The following PDE1C variants were observed in gnomAD, a reference collection of about 807,000 sequenced individuals.
PDE1C encodes phosphodiesterase 1C.
In PDE1C, 62 loss-of-function variants were observed where a neutral mutation model predicts 93.1. That is an observed-to-expected ratio of 0.67 (90% confidence interval 0.54 to 0.82). The LOEUF (loss-of-function observed/expected upper bound fraction) is 0.82. PDE1C is among the 40% of genes least tolerant of loss of function. The probability of loss-of-function intolerance (pLI) is 0.00; values close to 1 mark genes in which losing one functional copy is unlikely to be tolerated. For synonymous variants in PDE1C, 325 were observed against 310.1 expected (o/e 1.05, Z -0.50); for missense variants, 742 against 884.6 (o/e 0.84, Z 2.04).
chr7:31,875,793 C>CTA lies in PDE1C; in HGVS notation c.492+2175_492+2176dup, dbSNP rs71559206. Among the ~76,000 whole-genome samples, 345 of 42,948 alleles carry CTA rather than the reference C, an allele frequency of 8.0e-3. 7 individuals are homozygous for CTA. The highest frequency in any genetic ancestry group is 0.012 in the African/African-American group (170 of 13,862). 28.2% of individuals were successfully genotyped at this position (42,948 alleles called of 152,430 possible). ...AACACCTCAAGTTAGAAGCTTACAT[C>CTA]TATATATATATATATATATATATAT... On this transcript the variant is annotated intron_variant, in intron 5 of 17. Transcript: ENST00000396191.
chr7:31,943,927 G>T (rs1288074564), intron 2 of PDE1C, among the ~76,000 whole-genome samples: 1 of 152,120 alleles, frequency 6.6e-6, no homozygotes, highest in Non-Finnish European at 1.5e-5. Context: ...ATCTCATCAG[G>T]CAAAACCAAG....
chr7:32,299,949 C>T (rs2128901843), upstream of PDE1C, among the ~76,000 whole-genome samples: 1 of 152,280 alleles, frequency 6.6e-6, no homozygotes, highest in Admixed American at 6.5e-5. Context: ...TTAATTTAGC[C>T]TCATTTTTGT....
At chr7:32,056,119 A>C (rs1794042320) in intron 1 of PDE1C, among the ~76,000 whole-genome samples, 1 of 152,188 alleles carries the variant, frequency 6.6e-6, no homozygotes, top group African/African-American at 2.4e-5. Context: ...AGCTAGACCA[A>C]GCTGATGTAG....
intron 3 of PDE1C, among the ~76,000 whole-genome samples, chr7:32,077,422 T>C (rs1796415365): frequency 6.6e-6 from 1 of 152,210 alleles, no homozygotes; most frequent in Non-Finnish European, 1.5e-5. Context: ...AAAAAGCCTG[T>C]ATTATCTTGA....
At chr7:32,241,810 C>T (rs1412068287) in intron 1 of PDE1C, among the ~76,000 whole-genome samples, 1 of 152,050 alleles carries the variant, frequency 6.6e-6, no homozygotes, top group Non-Finnish European at 1.5e-5. Flanking sequence ...GCCTCAGCCA[C>T]CGCCTATCTG....
At chr7:31,909,766 A>G (rs904579067) in intron 2 of PDE1C, among the ~76,000 whole-genome samples, 2 of 152,170 alleles carry the variant, frequency 1.3e-5, no homozygotes, top group African/African-American at 4.8e-5. Flanking sequence ...CTTCAGGCAC[A>G]AAGGCTAAGT....
At chr7:32,311,081 A>T (rs1783026588) in intron 1 of PDE1C, among the ~76,000 whole-genome samples, 1 of 152,222 alleles carries the variant, frequency 6.6e-6, no homozygotes. Flanking sequence ...ATCACCACCG[A>T]TCCCACAGAA....
intron 1 of PDE1C, among the ~76,000 whole-genome samples, chr7:32,252,390 T>C (rs1809457791): frequency 6.6e-6 from 1 of 152,186 alleles, no homozygotes; most frequent in Non-Finnish European, 1.5e-5. Flanking sequence ...ATTAATTATT[T>C]GTTGATGATT....
chr7:32,376,998 T>C (rs1266683266), intron 1 of PDE1C, among the ~76,000 whole-genome samples: 1 of 152,000 alleles, frequency 6.6e-6, no homozygotes, highest in Non-Finnish European at 1.5e-5. Context: ...ACTTCCCCTT[T>C]CTAAAGATCC....
intron 2 of PDE1C, among the ~76,000 whole-genome samples, chr7:32,017,048 G>C (rs1034638388): frequency 6.6e-6 from 1 of 152,136 alleles, no homozygotes; most frequent in Non-Finnish European, 1.5e-5. Context: ...GAGGATAATA[G>C]CAGTACTTAT....
chr7:31,928,932 C>A (rs941630139), intron 2 of PDE1C, among the ~76,000 whole-genome samples: 1 of 152,116 alleles, frequency 6.6e-6, no homozygotes, highest in African/African-American at 2.4e-5. Flanking sequence ...TCACACACAA[C>A]AATATTAACC....
chr7:31,824,748 C>T, intron 13 of PDE1C, 119 bp downstream of exon 13: 1 of 1,309,602 alleles, frequency 7.6e-7, no homozygotes, highest in Non-Finnish European at 1.1e-6. Context: ...ACAAATTTTT[C>T]TGAGAAGGAG....
chr7:31,717,102 A>G, the PDE1C span, among the ~76,000 whole-genome samples: 1 of 152,252 alleles, frequency 6.6e-6, no homozygotes, highest in South Asian at 2.1e-4. Flanking sequence ...ATTGTAAGTT[A>G]TATGGCAAGA....
At chr7:31,832,000 A>G (rs1039225527) in intron 11 of PDE1C, among the ~76,000 whole-genome samples, 2 of 152,166 alleles carry the variant, frequency 1.3e-5, no homozygotes, top group African/African-American at 2.4e-5. Flanking sequence ...AGAGCACAGG[A>G]AAGACATTGA....
rs190062868 is a variant in PDE1C at position 31,831,292 on chromosome 7, G to A, written c.1204-2919C>T. Among the ~76,000 whole-genome samples, 210 of 152,218 alleles carry A rather than the reference G, an allele frequency of 1.4e-3. 1 individual carries two copies. Among genetic ancestry groups the A allele is most frequent in the African/African-American group, 4.9e-3 (203 of 41,532 alleles). Reference sequence around the variant, plus strand: ...CAGAAATTATCACCTCAAAAATAAGGAGAGTAAGAAACAGAAATGCAATCA... The same window carrying A: ...CAGAAATTATCACCTCAAAAATAAGAAGAGTAAGAAACAGAAATGCAATCA... On this transcript the variant is annotated intron_variant, in intron 11 of 17. Transcript: ENST00000396191.
At chr7:32,076,073 G>A (rs1428979959), upstream of PDE1C, among the ~76,000 whole-genome samples, 2 of 152,130 alleles carry the variant, frequency 1.3e-5, no homozygotes, top group Non-Finnish European at 2.9e-5. Flanking sequence ...AAAGCTGCAG[G>A]AAAACCTGAG....
At chr7:32,011,430 G>A (rs986786047) in intron 2 of PDE1C, among the ~76,000 whole-genome samples, 5 of 152,138 alleles carry the variant, frequency 3.3e-5, no homozygotes, top group Admixed American at 2.0e-4. Context: ...CTGACCTCGT[G>A]ATCCACCCAC....
At chr7:32,334,597 C>T (rs1783579282) in intron 1 of PDE1C, among the ~76,000 whole-genome samples, 1 of 142,854 alleles carries the variant, frequency 7.0e-6, no homozygotes, top group Non-Finnish European at 1.5e-5. Context: ...TCCCACCCTC[C>T]CCCCCCATGT....
chr7:31,790,394 G>A (rs1013563371), intron 16 of PDE1C: 12 of 682,886 alleles, frequency 1.8e-5, no homozygotes, highest in Non-Finnish European at 3.0e-5. Context: ...TTTCCATACT[G>A]GTCATTGCTG....
Sources: gnomAD v4.1 joint callset for allele counts (sites outside exome capture counted in the v4.1 genomes callset) on GRCh38, gnomAD v4.1.1 for gene constraint, MANE v1.5 for transcripts, NCBI Gene and HGNC (gene_info 2026-07-23, HGNC 2026-07-21) for gene names.